The following FBXL4 variants were observed in gnomAD, a reference collection of about 807,000 sequenced individuals.
FBXL4 encodes the protein F-box and leucine rich repeat protein 4.
In FBXL4, 40 loss-of-function variants were observed where a neutral mutation model predicts 58.9. The ratio of observed to expected loss-of-function variants is 0.68; its 90% CI spans 0.53 to 0.88. The LOEUF is 0.88. FBXL4 is among the 40% of genes least tolerant of loss of function. The pLI is 0.00. For synonymous variants in FBXL4, 263 were observed against 265.5 expected (o/e 0.99, Z 0.09); for missense variants, 676 against 734.4 (o/e 0.92, Z 0.92).
intron 1 of FBXL4, among the ~76,000 whole-genome samples, chr6:98,936,044 C>T (rs926288017): frequency 2.6e-5 from 4 of 152,066 alleles, no homozygotes; most frequent in African/African-American, 7.2e-5. Context: ...ACATAGAGAA[C>T]ATTTTACCTA....
chr6:98,942,108 G>GA (rs1773454655), intron 1 of FBXL4, among the ~76,000 whole-genome samples: 1 of 149,422 alleles, frequency 6.7e-6, no homozygotes, highest in East Asian at 2.0e-4. Context: ...TATTCACATA[G>GA]AAAAAACAAA....
intron 7 of FBXL4, among the ~76,000 whole-genome samples, chr6:98,896,072 T>C (rs1771398893): frequency 6.6e-6 from 1 of 152,174 alleles, no homozygotes; most frequent in Non-Finnish European, 1.5e-5. Flanking sequence ...TATTATCTTC[T>C]TTTTCTTTTC....
In FBXL4 at chr6:98,912,748, A is replaced by C. The variant is rs186142903; in HGVS notation, c.858+4626T>G. Among the ~76,000 whole-genome samples, 37 of 152,188 alleles carry C rather than the reference A, an allele frequency of 2.4e-4. No homozygotes were observed. In the East Asian group the frequency reaches 5.2e-3, roughly 21 times the overall value. On this transcript the variant is annotated intron_variant, in intron 5 of 9. Coordinates refer to ENST00000369244, the MANE Select transcript of FBXL4 (RefSeq NM_001278716.2). Reference sequence around the variant, plus strand: ...CGCCAAAATGTAAAGACCATCGAGAATAGGAAGAAACTGCATCAACTAACG... The same window carrying C: ...CGCCAAAATGTAAAGACCATCGAGACTAGGAAGAAACTGCATCAACTAACG...
At chr6:98,907,725 A>T (rs1386975812) in intron 5 of FBXL4, among the ~76,000 whole-genome samples, 1 of 152,142 alleles carries the variant, frequency 6.6e-6, no homozygotes, top group Non-Finnish European at 1.5e-5. Context: ...TTTGTTTTGC[A>T]ATTAACCTAA....
chr6:98,931,579 A>T (rs907616332), intron 2 of FBXL4, among the ~76,000 whole-genome samples: 1 of 152,204 alleles, frequency 6.6e-6, no homozygotes, highest in Non-Finnish European at 1.5e-5. Context: ...AAAAAAGCAA[A>T]TATATTTATT....
chr6:98,942,713 C>T (rs1226082004), intron 1 of FBXL4, among the ~76,000 whole-genome samples: 1 of 152,024 alleles, frequency 6.6e-6, no homozygotes, highest in Non-Finnish European at 1.5e-5. Flanking sequence ...ATTACCCAGT[C>T]TCAGGTATTT....
At chr6:98,879,942 CAA>C (rs57952065) in intron 8 of FBXL4, among the ~76,000 whole-genome samples, 58 of 62,552 alleles carry the variant, frequency 9.3e-4, no homozygotes, top group African/African-American at 3.7e-3. Context: ...GACTCCATCT[CAA>C]AAAAAAAAAA....
intron 5 of FBXL4, among the ~76,000 whole-genome samples, chr6:98,911,527 A>C (rs1415774240): frequency 1.3e-5 from 2 of 152,202 alleles, no homozygotes; most frequent in East Asian, 3.9e-4. Context: ...GATCACGAAA[A>C]TCTGCGGTTC....
Position 98,870,344 on chromosome 6 carries a change from C to G in FBXL4, c.*3934G>C, listed in dbSNP as rs535814373. ...CACATTTTCTAATGGCTGAAAAAAT[C>G]TAATGGCTAACACAGTAGTATTTTG... is the stretch of plus-strand genomic sequence containing the variant. On this transcript the variant is annotated 3_prime_UTR_variant, in exon 10 of 10. Coordinates refer to ENST00000369244, the MANE Select transcript of FBXL4 (RefSeq NM_001278716.2). 1.3e-5 allele frequency: 2 copies of G among 152,326 alleles called. No individual in the cohort carries two copies. Among genetic ancestry groups the G allele is most frequent in the South Asian group, 4.1e-4 (2 of 4,826 alleles). 9.4% of individuals were successfully genotyped at this position (152,326 alleles called of 1,614,324 possible). A position where few individuals can be genotyped will look rare whatever the true frequency, so the allele number is the denominator to read the frequency against.
Position 98,868,833 on chromosome 6 carries a change from C to A in FBXL4, c.*5445G>T, listed in dbSNP as rs183855025. 1.3e-5 allele frequency: 2 copies of A among 152,158 alleles called. No homozygotes were observed. Among genetic ancestry groups the A allele is most frequent in the Non-Finnish European group, 2.9e-5 (2 of 68,026 alleles). The allele number at this position is 152,158 out of a possible 1,614,324, so 9.4% of individuals were successfully genotyped here. A position where few individuals can be genotyped will look rare whatever the true frequency, so the allele number is the denominator to read the frequency against. On this transcript the variant is annotated 3_prime_UTR_variant, in exon 10 of 10. Transcript: ENST00000369244. ...CTAAATGTCAATTTTAGCAGGACTA[C>A]CTTTTTCCTTTCAAAATGTAGTCAA... is the stretch of plus-strand genomic sequence containing the variant.
At chr6:98,937,821 C>G (rs1327426553) in intron 1 of FBXL4, among the ~76,000 whole-genome samples, 9 of 152,186 alleles carry the variant, frequency 5.9e-5, no homozygotes. Flanking sequence ...GAAGTCAAAA[C>G]TGTCCAGAAT....
chr6:98,939,333 T>A (rs947034606), intron 1 of FBXL4, among the ~76,000 whole-genome samples: 1 of 152,148 alleles, frequency 6.6e-6, no homozygotes, highest in Non-Finnish European at 1.5e-5. Flanking sequence ...TATCAAACCA[T>A]CCTTTGCTGG....
chr6:98,889,777 G>A (rs1771162913), intron 7 of FBXL4, among the ~76,000 whole-genome samples: 1 of 151,590 alleles, frequency 6.6e-6, no homozygotes, highest in African/African-American at 2.4e-5. Flanking sequence ...ATGCAGATAT[G>A]AAGTGCCATT....
At chr6:98,938,563 T>C (rs1773309654) in intron 1 of FBXL4, among the ~76,000 whole-genome samples, 1 of 152,192 alleles carries the variant, frequency 6.6e-6, no homozygotes, top group Non-Finnish European at 1.5e-5. Context: ...TCCTGTTACA[T>C]AACGAAAAGA....
chr6:98,946,017 A>G (rs940564848), intron 1 of FBXL4, among the ~76,000 whole-genome samples: 1 of 152,226 alleles, frequency 6.6e-6, no homozygotes, highest in Non-Finnish European at 1.5e-5. Flanking sequence ...GGCAAGAGGT[A>G]AAGAAAGGGA....
At chr6:98,938,425 G>C (rs1773305073) in intron 1 of FBXL4, among the ~76,000 whole-genome samples, 1 of 151,980 alleles carries the variant, frequency 6.6e-6, no homozygotes, top group African/African-American at 2.4e-5. Context: ...GGGTGGCCAG[G>C]GACATTGTCT....
intron 7 of FBXL4, among the ~76,000 whole-genome samples, chr6:98,887,209 T>G (rs1021267992): frequency 4.6e-5 from 7 of 152,164 alleles, no homozygotes; most frequent in African/African-American, 1.2e-4. Context: ...AAGGCTGCAA[T>G]AAGCTGTGAC....
In FBXL4 at chr6:98,929,996, A is replaced by G. The variant is rs574643898; in HGVS notation, c.-190-2174T>C. Reference sequence around the variant, plus strand: ...TCCTCATGCCAAAAACTGAAAAAAGAAAAGTAGTCCTGAACTGGTAAAACT... The same window carrying G: ...TCCTCATGCCAAAAACTGAAAAAAGGAAAGTAGTCCTGAACTGGTAAAACT... On this transcript the variant is annotated intron_variant, in intron 2 of 9. Coordinates refer to ENST00000369244, the MANE Select transcript of FBXL4 (RefSeq NM_001278716.2). Among the ~76,000 whole-genome samples the G allele has an allele frequency of 2.6e-5, 4 of 152,334 alleles. No individual in the cohort carries two copies. The East Asian group carries it at 7.7e-4, about 29-fold the overall frequency.
chr6:98,895,415 T>A (rs1490721847), intron 7 of FBXL4, among the ~76,000 whole-genome samples: 1 of 152,228 alleles, frequency 6.6e-6, no homozygotes, highest in Non-Finnish European at 1.5e-5. Context: ...AGTTACTATG[T>A]TGTATCTCCT....
Sources: allele counts gnomAD v4.1 joint callset (sites outside exome capture counted in the v4.1 genomes callset), GRCh38; gene constraint gnomAD v4.1.1; transcripts MANE v1.5; gene names NCBI Gene and HGNC (gene_info 2026-07-23, HGNC 2026-07-21).